Variants in C12orf56 observed in about 807,000 individuals in gnomAD.
C12orf56 encodes the protein uncharacterized protein C12orf56.
A neutral mutation model predicts 69.9 loss-of-function variants in C12orf56; 71 were observed. The observed-to-expected ratio is 1.02, with a 90% confidence interval of 0.84 to 1.24. The LOEUF is 1.24. Ranked by LOEUF, C12orf56 falls within the 50% of genes most tolerant of loss-of-function variation. The probability of loss-of-function intolerance (pLI) is 0.00; values close to 1 mark genes in which losing one functional copy is unlikely to be tolerated. For missense variants in C12orf56, 732 were observed against 738.5 expected (o/e 0.99, Z 0.10); for synonymous variants, 276 against 274.1 (o/e 1.01, Z -0.07).
chr12:64,357,110 A>G (rs2039328426), intron 1 of C12orf56, among the ~76,000 whole-genome samples: 1 of 151,804 alleles, frequency 6.6e-6, no homozygotes, highest in Admixed American at 6.6e-5. Context: ...GGCTCCTAAA[A>G]AAAAAAACAC....
intron 8 of C12orf56, among the ~76,000 whole-genome samples, chr12:64,280,021 C>T (rs1031502575): frequency 2.2e-4 from 33 of 152,198 alleles, no homozygotes; most frequent in African/African-American, 7.0e-4. Context: ...CATATGAATT[C>T]AACCCTAACA....
chr12:64,336,369 A>G (rs748472804), intron 2 of C12orf56, among the ~76,000 whole-genome samples: 1 of 152,162 alleles, frequency 6.6e-6, no homozygotes, highest in African/African-American at 2.4e-5. Context: ...ACTCTTCACT[A>G]ATTTTAATAT....
intron 2 of C12orf56, among the ~76,000 whole-genome samples, chr12:64,352,553 C>A (rs1018233899): frequency 3.9e-5 from 6 of 152,174 alleles, no homozygotes; most frequent in African/African-American, 1.2e-4. Flanking sequence ...GGGGTGCCCA[C>A]ATGTGCACTG....
chr12:64,352,785 C>T, intron 2 of C12orf56, 109 bp downstream of exon 2: 1 of 1,026,308 alleles, frequency 9.7e-7, no homozygotes, highest in African/African-American at 1.7e-5. Context: ...TGATAGGAAC[C>T]TGGATTTTAA....
rs573599012 is a variant in C12orf56, at chr12:64,272,201, A to AT, written c.1585-1488dup. ...GCAAGACCCCATCTCATTTTTAAAA[A>AT]TTTTTTAAAATAAATAAATGCGGCC... On this transcript the variant is annotated intron_variant, in intron 11 of 12. Transcript: ENST00000543942. Among the ~76,000 whole-genome samples, 1,018 of 152,176 alleles carry AT rather than the reference A, an allele frequency of 6.7e-3. 17 individuals are homozygous for AT. Among genetic ancestry groups the AT allele is most frequent in the African/African-American group, 0.023 (974 of 41,492 alleles).
At chr12:64,342,446 T>A (rs1323649535) in intron 2 of C12orf56, among the ~76,000 whole-genome samples, 2 of 152,138 alleles carry the variant, frequency 1.3e-5, no homozygotes, top group Non-Finnish European at 2.9e-5. Context: ...GCCCTAGTCT[T>A]CTCTTCCTCT....
intron 1 of C12orf56, among the ~76,000 whole-genome samples, chr12:64,363,338 C>T (rs572293225): frequency 6.4e-4 from 98 of 152,290 alleles, no homozygotes; most frequent in Middle Eastern, 3.4e-3. Context: ...TTCTCTCAAT[C>T]TGTGAGGCTA....
intron 12 of C12orf56, among the ~76,000 whole-genome samples, chr12:64,269,190 CAATCTA>C (rs1196925149): frequency 6.7e-6 from 1 of 149,820 alleles, no homozygotes; most frequent in Non-Finnish European, 1.5e-5. Flanking sequence ...TAAAAAAAGA[CAATCTA>C]AGGCTGTAAT....
intron 3 of C12orf56, among the ~76,000 whole-genome samples, chr12:64,328,900 C>T (rs1052699549): frequency 6.0e-5 from 9 of 150,656 alleles, no homozygotes; most frequent in Non-Finnish European, 8.9e-5. Flanking sequence ...CCCATCTCTA[C>T]TAAAAATACA....
intron 1 of C12orf56, 125 bp from the exon 2 acceptor site, chr12:64,353,181 G>A (rs749254072): frequency 2.1e-5 from 19 of 898,828 alleles, no homozygotes; most frequent in East Asian, 1.1e-4. Flanking sequence ...TTTTCAAAAC[G>A]GAGTCTCACC....
intron 6 of C12orf56, among the ~76,000 whole-genome samples, chr12:64,286,844 G>A (rs74100205): frequency 0.019 from 2,923 of 152,244 alleles, 92 homozygotes; most frequent in African/African-American, 0.066. Flanking sequence ...GGCATGAGAA[G>A]AGGCTGGGAA....
At chr12:64,364,885 T>C (rs979339403) in intron 1 of C12orf56, among the ~76,000 whole-genome samples, 3 of 152,064 alleles carry the variant, frequency 2.0e-5, no homozygotes, top group Admixed American at 2.0e-4. Context: ...CTTTGGGCAC[T>C]GCATGGCTTT....
intron 6 of C12orf56, among the ~76,000 whole-genome samples, chr12:64,302,229 C>A (rs2038454914): frequency 6.6e-6 from 1 of 152,158 alleles, no homozygotes; most frequent in African/African-American, 2.4e-5. Flanking sequence ...CCAGTACCAA[C>A]CATTTTAGAC....
chr12:64,319,621 AC>A (rs943507989), intron 3 of C12orf56, among the ~76,000 whole-genome samples: 2 of 152,176 alleles, frequency 1.3e-5, no homozygotes, highest in Non-Finnish European at 2.9e-5. Context: ...CCCTAGGCCG[AC>A]TAAGAATCCC....
chr12:64,338,882 G>A (rs911927653), intron 2 of C12orf56: 3 of 613,404 alleles, frequency 4.9e-6, no homozygotes, highest in South Asian at 3.8e-5. Context: ...AAACCCCTGT[G>A]CAGACCTTGG....
intron 1 of C12orf56, among the ~76,000 whole-genome samples, chr12:64,358,498 A>ATCATCATCATCATCG (rs1306661757): frequency 9.2e-6 from 1 of 109,220 alleles, no homozygotes; most frequent in East Asian, 2.7e-4. Context: ...CATCATCATC[A>ATCATCATCATCATCG]TCATCATCAT....
At position 64,386,398 on chromosome 12, in the gene C12orf56, A is replaced by ATATATATT. The variant is rs752756817; in HGVS notation, c.252+3915_252+3916insAATATATA. On this transcript the variant is annotated intron_variant, in intron 1 of 12. Transcript: ENST00000543942. ...CTGGCTAATTTTTATATATATATAT[A>ATATATATT]TTTTTTTTTTTTTTTGAGACGGAGT... 2.5e-3 allele frequency among the ~76,000 whole-genome samples: 217 copies of ATATATATT among 87,334 alleles called. 4 individuals carry two copies. Among genetic ancestry groups the ATATATATT allele is most frequent in the Middle Eastern group, 0.018 (3 of 166 alleles). 57.3% of individuals were successfully genotyped at this position (87,334 alleles called of 152,430 possible).
At position 64,277,749 on chromosome 12, in the gene C12orf56, T is replaced by C. The variant is rs775642388; in HGVS notation, c.1365A>G (p.Lys455=). The C allele has an allele frequency of 1.1e-5, 18 of 1,601,480 alleles. No individual in the cohort carries two copies. Among genetic ancestry groups the C allele is most frequent in the Non-Finnish European group, 1.4e-5 (17 of 1,172,734 alleles). Residue 455 remains lysine, a synonymous_variant, in exon 9 of 13, where the codon AAA becomes AAG. Transcript: ENST00000543942. Reference sequence around the variant, plus strand: ...ACTGGATATCAAACACAGGACAAGATTTTGGAATCTGAGGCTCACTAATTA... The same window carrying C: ...ACTGGATATCAAACACAGGACAAGACTTTGGAATCTGAGGCTCACTAATTA... ...VILISEPQIP[K]SCPVFDIQLV...
chr12:64,289,373 C>A (rs200158760), intron 6 of C12orf56, among the ~76,000 whole-genome samples: 153 of 97,732 alleles, frequency 1.6e-3, no homozygotes, highest in Middle Eastern at 4.6e-3. Flanking sequence ...CTGGCCAGAA[C>A]TTCCAACACT....
Sources: gnomAD v4.1 joint callset for allele counts (sites outside exome capture counted in the v4.1 genomes callset) on GRCh38, gnomAD v4.1.1 for gene constraint, MANE v1.5 for transcripts, NCBI Gene and HGNC (gene_info 2026-07-23, HGNC 2026-07-21) for gene names.